KALRN: variants seen among roughly 807,000 people sequenced by gnomAD.
KALRN encodes the protein kalirin.
A neutral mutation model predicts 353.7 loss-of-function variants in KALRN; 70 were observed. The ratio of observed to expected loss-of-function variants is 0.20; its 90% confidence interval spans 0.16 to 0.24. The LOEUF (loss-of-function observed/expected upper bound fraction) is 0.24. Ranked by LOEUF, KALRN falls within the 10% of genes least tolerant of loss-of-function variation. The pLI is 1.00. For synonymous variants in KALRN, 1,391 were observed against 1,434.8 expected (o/e 0.97, Z 0.69); for missense variants, 2,791 against 3,756.7 (o/e 0.74, Z 6.72).
intron 1 of KALRN, among the ~76,000 whole-genome samples, chr3:124,176,116 C>T (rs1352549317): frequency 1.3e-5 from 2 of 152,094 alleles, no homozygotes; most frequent in East Asian, 1.9e-4. Context: ...GCCCCCTGAC[C>T]AGCCTCTCTG....
chr3:124,552,653 G>A (rs1308116881), intron 33 of KALRN, among the ~76,000 whole-genome samples: 1 of 152,060 alleles, frequency 6.6e-6, no homozygotes, highest in Non-Finnish European at 1.5e-5. Context: ...CTAAATTTAG[G>A]GTACTAAATC....
intron 45 of KALRN, among the ~76,000 whole-genome samples, chr3:124,664,290 G>C (rs1484434969): frequency 2.0e-5 from 3 of 151,314 alleles, no homozygotes; most frequent in Non-Finnish European, 4.4e-5. Context: ...TGATTGTGCT[G>C]TCTATCCCAA....
chr3:124,549,385 T>TCACACA (rs374992639), intron 33 of KALRN, among the ~76,000 whole-genome samples: 3 of 130,912 alleles, frequency 2.3e-5, no homozygotes, highest in Non-Finnish European at 5.1e-5. Flanking sequence ...ACACACACAA[T>TCACACA]CACACACACA....
At chr3:124,530,243 G>A (rs2067929138) in intron 33 of KALRN, among the ~76,000 whole-genome samples, 1 of 152,174 alleles carries the variant, frequency 6.6e-6, no homozygotes, top group South Asian at 2.1e-4. Flanking sequence ...CCATTTGGGA[G>A]AGAGAAAATA....
rs1335142662 is a variant in KALRN at position 124,717,885 on chromosome 3, C to T, written c.8415+500C>T. On this transcript the variant is annotated intron_variant, in intron 59 of 59. Coordinates refer to ENST00000682506, the MANE Select transcript of KALRN (RefSeq NM_001388419.1). Reference sequence around the variant, plus strand: ...GAAGTGCAGTGGTGCGATCTCGGCTCGCTGCAACCTCCGCCTCCCAGGTAC... The same window carrying T: ...GAAGTGCAGTGGTGCGATCTCGGCTTGCTGCAACCTCCGCCTCCCAGGTAC... Among the ~76,000 whole-genome samples, 7 of 151,912 alleles carry T rather than the reference C, an allele frequency of 4.6e-5. No individual in the cohort carries two copies. The East Asian group carries it at 1.4e-3, about 30-fold the overall frequency.
intron 1 of KALRN, among the ~76,000 whole-genome samples, chr3:124,081,926 C>A (rs969944521): frequency 2.0e-5 from 3 of 152,194 alleles, no homozygotes; most frequent in African/African-American, 7.2e-5. Flanking sequence ...TGAGTCACAG[C>A]CTTACTGGCT....
At chr3:124,142,811 C>A (rs963657803) in intron 1 of KALRN, among the ~76,000 whole-genome samples, 4 of 152,148 alleles carry the variant, frequency 2.6e-5, no homozygotes, top group Non-Finnish European at 5.9e-5. Context: ...AATAAATCAT[C>A]ACTGTTGCAT....
chr3:124,596,340 G>C (rs71323873), intron 34 of KALRN, among the ~76,000 whole-genome samples: 3 of 151,910 alleles, frequency 2.0e-5, no homozygotes, highest in Non-Finnish European at 4.4e-5. Flanking sequence ...GGTGGTGGTC[G>C]CCTGTAATCA....
At position 124,603,501 on chromosome 3, in the gene KALRN, G is replaced by A. The variant is rs9852698; in HGVS notation, c.5183-28919G>A. On this transcript the variant is annotated intron_variant, in intron 34 of 59. Coordinates refer to ENST00000682506, the MANE Select transcript of KALRN (RefSeq NM_001388419.1). ...ACTGAAGTGTGGCTCTGCTTGAGAT[G>A]TTCCTCAGCTATTCTTCCTTCCTGT... 2.0e-5 allele frequency among the ~76,000 whole-genome samples: 3 copies of A among 152,122 alleles called. No homozygotes were observed. In the South Asian group the frequency reaches 6.2e-4, roughly 32 times the overall value.
At chr3:124,680,877 GAGA>G (rs1359372468) in intron 51 of KALRN, among the ~76,000 whole-genome samples, 3 of 152,202 alleles carry the variant, frequency 2.0e-5, no homozygotes, top group Non-Finnish European at 4.4e-5. Context: ...ATGTATCTTA[GAGA>G]ACAAGGAAGC....
intron 25 of KALRN, among the ~76,000 whole-genome samples, chr3:124,465,545 C>G (rs995115885): frequency 6.6e-6 from 1 of 152,120 alleles, no homozygotes; most frequent in Non-Finnish European, 1.5e-5. Flanking sequence ...TCTGGAAGAG[C>G]AAAATAACTT....
At chr3:124,343,902 G>A (rs1282876252) in intron 9 of KALRN, among the ~76,000 whole-genome samples, 1 of 152,158 alleles carries the variant, frequency 6.6e-6, no homozygotes, top group Non-Finnish European at 1.5e-5. Flanking sequence ...TGACACTGTG[G>A]CACAATAAGA....
intron 40 of KALRN, 51 bp downstream of exon 40, chr3:124,657,602 T>C: frequency 6.9e-7 from 1 of 1,458,826 alleles, no homozygotes; most frequent in Non-Finnish European, 9.6e-7. Context: ...ATCCAGGACT[T>C]GAGTCCTCTT....
chr3:124,425,752 C>T (rs3772751), intron 15 of KALRN, among the ~76,000 whole-genome samples: 20,073 of 152,004 alleles, frequency 0.13, 2,045 homozygotes, highest in African/African-American at 0.28. Context: ...TTTCCTTCGC[C>T]GATATTAAAA....
chr3:124,319,342 A>G (rs1184202870), intron 6 of KALRN, among the ~76,000 whole-genome samples: 1 of 151,542 alleles, frequency 6.6e-6, no homozygotes, highest in African/African-American at 2.4e-5. Flanking sequence ...TTAAAGTTAA[A>G]AATACCAATA....
At chr3:124,640,285 T>G (rs1436331973) in intron 37 of KALRN, among the ~76,000 whole-genome samples, 1 of 135,226 alleles carries the variant, frequency 7.4e-6, no homozygotes, top group East Asian at 2.4e-4. Flanking sequence ...ATTCTTTCTT[T>G]CTTTTTTTTT....
intron 15 of KALRN, 89 bp downstream of exon 15, chr3:124,423,067 A>G: frequency 7.7e-7 from 1 of 1,292,916 alleles, no homozygotes; most frequent in East Asian, 2.4e-5. Context: ...TAAGGCATAC[A>G]GAGCCACAGG....
chr3:124,686,104 G>A (rs1019989901), intron 51 of KALRN, among the ~76,000 whole-genome samples: 4 of 152,168 alleles, frequency 2.6e-5, no homozygotes, highest in African/African-American at 7.2e-5. Flanking sequence ...AAGGAGGCAG[G>A]TATAAATAAA....
chr3:124,471,399 C>A (rs113326558), intron 25 of KALRN, among the ~76,000 whole-genome samples: 17,234 of 151,666 alleles, frequency 0.11, 1,208 homozygotes, highest in Non-Finnish European at 0.15. Flanking sequence ...GATTCTCCTG[C>A]CTCAGCCTCC....
Sources: gnomAD v4.1 joint callset for allele counts (sites outside exome capture counted in the v4.1 genomes callset) on GRCh38, gnomAD v4.1.1 for gene constraint, MANE v1.5 for transcripts, NCBI Gene and HGNC (gene_info 2026-07-23, HGNC 2026-07-21) for gene names.